YAP1: variants seen among roughly 807,000 people sequenced by gnomAD.
YAP1 encodes Yes1 associated transcriptional regulator.
Under a neutral mutation model 56.9 loss-of-function variants are expected in YAP1, and 5 were observed. The observed-to-expected ratio is 0.09, with a 90% CI of 0.05 to 0.18. The LOEUF is 0.18. Among genes scored for constraint, YAP1 ranks in the 10% least tolerant of loss-of-function variants. The probability of loss-of-function intolerance (pLI) is 1.00; values close to 1 mark genes in which losing one functional copy is unlikely to be tolerated. For missense variants in YAP1, 539 were observed against 651.8 expected (o/e 0.83, Z 1.88); for synonymous variants, 265 against 248.1 (o/e 1.07, Z -0.64).
chr11:102,126,998 T>C (rs1944071204), intron 2 of YAP1, among the ~76,000 whole-genome samples: 1 of 152,192 alleles, frequency 6.6e-6, no homozygotes, highest in Non-Finnish European at 1.5e-5. Context: ...AAAGAGATGA[T>C]TTAGGTATCT....
intron 2 of YAP1, among the ~76,000 whole-genome samples, chr11:102,137,583 G>A (rs945690213): frequency 9.2e-5 from 14 of 152,284 alleles, no homozygotes; most frequent in Admixed American, 2.6e-4. Flanking sequence ...GAAAAATATA[G>A]AATGCTTAAA....
At chr11:102,155,582 G>A (rs1945892605) in intron 2 of YAP1, among the ~76,000 whole-genome samples, 1 of 152,160 alleles carries the variant, frequency 6.6e-6, no homozygotes, top group African/African-American at 2.4e-5. Context: ...AGCAGTTTAC[G>A]TTACAAGTTC....
chr11:102,179,363 T>C (rs986410947), intron 3 of YAP1, among the ~76,000 whole-genome samples: 1 of 152,184 alleles, frequency 6.6e-6, no homozygotes, highest in Non-Finnish European at 1.5e-5. Context: ...TTATCCATTC[T>C]CACCAATCTA....
In YAP1 at chr11:102,229,821, G is replaced by A. The variant is rs148574447; in HGVS notation, c.1396G>A (p.Glu466Lys). Reference protein sequence around the residue: ...GTLEGDGMNIEGEELMPSLQE... With the variant: ...GTLEGDGMNIKGEELMPSLQE... ...ACTGGAAGGAGATGGAATGAACATAGAAGGAGAGGAGCTGATGCCAAGTCT... is the reference window on the plus strand; with the variant it reads ...ACTGGAAGGAGATGGAATGAACATAAAAGGAGAGGAGCTGATGCCAAGTCT... The change falls in exon 9 of 9, where the codon GAA (glutamate) becomes AAA (lysine). Residue 466 changes from glutamate (E) to lysine (K), a missense_variant. Physicochemically the swap from Glu to Lys is moderately conservative, Grantham distance 56. Coordinates refer to ENST00000282441, the MANE Select transcript of YAP1 (RefSeq NM_001130145.3). 1.2e-6 allele frequency: 2 copies of A among 1,614,042 alleles called. No homozygotes were observed. Among genetic ancestry groups the A allele is most frequent in the African/African-American group, 2.7e-5 (2 of 74,922 alleles).
chr11:102,110,730 C>A lies in YAP1; in HGVS notation c.-119C>A. On this transcript the variant is annotated 5_prime_UTR_variant, in exon 1 of 9. Coordinates refer to ENST00000282441, the MANE Select transcript of YAP1 (RefSeq NM_001130145.3). ...AGCCCCCCGGCCCTGAGAGCGAGGA[C>A]AGCGCCGCCCGGCCCGCAGCCGTCG... is the stretch of plus-strand genomic sequence containing the variant. The A allele has an allele frequency of 1.0e-6, 1 of 962,880 alleles. No homozygotes were observed. Among genetic ancestry groups the A allele is most frequent in the Non-Finnish European group, 1.3e-6 (1 of 758,438 alleles). 59.6% of individuals were successfully genotyped at this position (962,880 alleles called of 1,614,324 possible).
intron 2 of YAP1, among the ~76,000 whole-genome samples, chr11:102,146,491 G>T (rs1264423238): frequency 6.6e-6 from 1 of 152,166 alleles, no homozygotes; most frequent in Non-Finnish European, 1.5e-5. Context: ...CTTACCCTGA[G>T]AAGGTCTTAC....
rs1950450672 is a variant in YAP1 at position 102,232,035 on chromosome 11, TC to T, written c.*2096del. 6.6e-6 allele frequency: 1 copy of T among 152,574 alleles called. No homozygotes were observed. Among genetic ancestry groups the T allele is most frequent in the Non-Finnish European group, 1.5e-5 (1 of 68,038 alleles). 9.5% of individuals were successfully genotyped at this position (152,574 alleles called of 1,614,324 possible). Reference sequence around the variant, plus strand: ...TTAAGAAAACAGCAGAAAGATTAAATCTTGAATTAAGTCTGGGGGGAAATGG... The same window carrying T: ...TTAAGAAAACAGCAGAAAGATTAAATTTGAATTAAGTCTGGGGGGAAATGG... On this transcript the variant is annotated 3_prime_UTR_variant, in exon 9 of 9. Transcript: ENST00000282441.
At chr11:102,160,441 G>C (rs1016081952) in intron 2 of YAP1, among the ~76,000 whole-genome samples, 54 of 152,262 alleles carry the variant, frequency 3.5e-4, no homozygotes, top group African/African-American at 1.3e-3. Context: ...CATGAACATT[G>C]TGTATTATGT....
chr11:102,224,049 C>T (rs1950077646), intron 7 of YAP1, among the ~76,000 whole-genome samples: 1 of 152,190 alleles, frequency 6.6e-6, no homozygotes, highest in Non-Finnish European at 1.5e-5. Context: ...CATGAAGGAA[C>T]ATGTGAATGC....
At position 102,223,638 on chromosome 11, in the gene YAP1, G is replaced by A. The variant is rs1449834671; in HGVS notation, c.1049G>A (p.Ser350Asn). The A allele has an allele frequency of 6.2e-7, 1 of 1,614,064 alleles. No homozygotes were observed. The change falls in exon 7 of 9, where the codon AGC (serine) becomes AAC (asparagine). Residue 350 changes from serine to asparagine, a missense_variant. Ser to Asn is a conservative substitution (Grantham distance 46). This residue lies in a region of YAP1 where 414 missense variants were observed against 512.4 expected (regional missense o/e 0.81). Transcript: ENST00000282441. ...SPKCQELALRSQLPTLEQDGG... is the reference protein window; with the variant it reads ...SPKCQELALRNQLPTLEQDGG... ...TTTAATTAGGAGTTAGCCCTGCGTA[G>A]CCAGTTACCAACACTGGAGCAGGAT...
At chr11:102,146,597 C>T (rs1591224822) in intron 2 of YAP1, among the ~76,000 whole-genome samples, 1 of 152,164 alleles carries the variant, frequency 6.6e-6, no homozygotes, top group East Asian at 1.9e-4. Context: ...AACATTTGAA[C>T]CCCTCCCTTA....
Position 102,172,041 on chromosome 11 carries a change from G to C in YAP1, c.688+9470G>C, listed in dbSNP as rs142235731. Among the ~76,000 whole-genome samples, 668 of 151,856 alleles carry C rather than the reference G, an allele frequency of 4.4e-3. 2 individuals carry two copies. Among genetic ancestry groups the C allele is most frequent in the Non-Finnish European group, 7.3e-3 (497 of 67,938 alleles). On this transcript the variant is annotated intron_variant, in intron 3 of 8. Coordinates refer to ENST00000282441, the MANE Select transcript of YAP1 (RefSeq NM_001130145.3). Reference sequence around the variant, plus strand: ...CCCGTCTCTACTAAAAATACAAAAAGTTACCTGGGTGTTTGGTGCCGTTTG... The same window carrying C: ...CCCGTCTCTACTAAAAATACAAAAACTTACCTGGGTGTTTGGTGCCGTTTG...
At chr11:102,216,049 A>G (rs1949646280) in intron 6 of YAP1, among the ~76,000 whole-genome samples, 1 of 152,208 alleles carries the variant, frequency 6.6e-6, no homozygotes, top group South Asian at 2.1e-4. Flanking sequence ...TTCAGGAGGC[A>G]GAAGTGAAAT....
chr11:102,204,970 A>T (rs578241667), intron 4 of YAP1, among the ~76,000 whole-genome samples: 1 of 152,230 alleles, frequency 6.6e-6, no homozygotes, highest in South Asian at 2.1e-4. Flanking sequence ...CAAAATTTCA[A>T]CTTAAGTTGA....
At chr11:102,128,563 T>C (rs1448393417) in intron 2 of YAP1, among the ~76,000 whole-genome samples, 1 of 152,236 alleles carries the variant, frequency 6.6e-6, no homozygotes, top group Admixed American at 6.5e-5. Context: ...AATGAACTAA[T>C]ACAATCCTTA....
intron 3 of YAP1, among the ~76,000 whole-genome samples, chr11:102,166,809 C>T (rs1436544948): frequency 1.3e-5 from 2 of 152,116 alleles, no homozygotes; most frequent in Non-Finnish European, 2.9e-5. Flanking sequence ...TCCCATCATT[C>T]ATAATTGAGT....
In YAP1 at chr11:102,111,944, C is replaced by T. The variant is rs141414935; in HGVS notation, c.321+775C>T. Among the ~76,000 whole-genome samples the T allele has an allele frequency of 4.0e-4, 61 of 151,892 alleles. 1 individual carries two copies. In the East Asian group the frequency reaches 0.012, roughly 29 times the overall value. On this transcript the variant is annotated intron_variant, in intron 1 of 8. Transcript: ENST00000282441. ...CTGGAAGTTGTTTATGGAGTTCTTTCACCCCTGCTCTTCCCTTGTGTGTTG... is the reference window on the plus strand; with the variant it reads ...CTGGAAGTTGTTTATGGAGTTCTTTTACCCCTGCTCTTCCCTTGTGTGTTG...
Position 102,176,638 on chromosome 11 carries a change from C to T in YAP1, c.689-9380C>T, listed in dbSNP as rs1170488792. The stretch of plus-strand genomic sequence containing the variant: ...GTGCACCCCTGTAATCCCAGCTACT[C>T]AGGAGGCTGAGGCAGGAGAATCACT... On this transcript the variant is annotated intron_variant, in intron 3 of 8. Coordinates refer to ENST00000282441, the MANE Select transcript of YAP1 (RefSeq NM_001130145.3). Among the ~76,000 whole-genome samples the T allele has an allele frequency of 2.0e-5, 3 of 148,232 alleles. No homozygotes were observed. In the Admixed American group the frequency reaches 2.1e-4, roughly 10 times the overall value.
At chr11:102,220,174 A>G (rs995903378) in intron 6 of YAP1, among the ~76,000 whole-genome samples, 2 of 152,118 alleles carry the variant, frequency 1.3e-5, no homozygotes, top group Non-Finnish European at 2.9e-5. Flanking sequence ...CCTGGGCGAC[A>G]TATAGTGAGA....
Sources: gnomAD v4.1 joint callset for allele counts (sites outside exome capture counted in the v4.1 genomes callset) on GRCh38, gnomAD v4.1.1 for gene constraint, gnomAD v4.1.1 regional missense constraint, MANE v1.5 for transcripts, NCBI Gene and HGNC (gene_info 2026-07-23, HGNC 2026-07-21) for gene names.